SP100: variants seen among roughly 807,000 people sequenced by gnomAD.
The protein encoded by SP100 is SP100 nuclear body protein.
Under a neutral mutation model 130.0 loss-of-function variants are expected in SP100, and 84 were observed. The ratio of observed to expected loss-of-function variants is 0.65; its 90% CI spans 0.54 to 0.77. SP100 has a LOEUF of 0.77. SP100 is among the 30% of genes least tolerant of loss of function. The probability of loss-of-function intolerance (pLI) is 0.00; values close to 1 mark genes in which losing one functional copy is unlikely to be tolerated. For missense variants in SP100, 978 were observed against 1,052.2 expected, an observed-to-expected ratio of 0.93 and a Z score of 0.97; for synonymous variants, 331 against 351.7, an observed-to-expected ratio of 0.94 and a Z score of 0.66.
rs187527800 is a variant in SP100, at chr2:230,459,340, T to C, written c.821-1922T>C. Among the ~76,000 whole-genome samples, 46 of 152,246 alleles carry C rather than the reference T, an allele frequency of 3.0e-4. 2 individuals are homozygous for C. The East Asian group carries it at 8.9e-3, about 29-fold the overall frequency. ...TAGAAAGGAGGCACAGGGTGTCCTA[T>C]TACTATGGAGAAAGATCAGCTGCCC... is the stretch of plus-strand genomic sequence containing the variant. On this transcript the variant is annotated intron_variant, in intron 8 of 28. Transcript: ENST00000340126.
chr2:230,455,927 C>T (rs1302844894), intron 8 of SP100, among the ~76,000 whole-genome samples: 1 of 152,268 alleles, frequency 6.6e-6, no homozygotes, highest in Admixed American at 6.5e-5. Flanking sequence ...TGTTTGATGT[C>T]AGAGTTTACA....
intron 2 of SP100, among the ~76,000 whole-genome samples, chr2:230,428,142 A>T (rs1351764679): frequency 1.3e-5 from 2 of 152,140 alleles, no homozygotes; most frequent in Non-Finnish European, 2.9e-5. Flanking sequence ...GAGACAGGAG[A>T]ATCACTTAAA....
intron 25 of SP100, among the ~76,000 whole-genome samples, chr2:230,539,961 C>CT (rs1221129835): frequency 1.3e-5 from 2 of 152,150 alleles, no homozygotes; most frequent in Non-Finnish European, 2.9e-5. Context: ...AGAGGATGAT[C>CT]TCTACCGGGA....
At chr2:230,503,363 A>G (rs2067143476) in intron 20 of SP100, among the ~76,000 whole-genome samples, 2 of 152,188 alleles carry the variant, frequency 1.3e-5, no homozygotes, top group African/African-American at 4.8e-5. Context: ...ATTGATTAAT[A>G]CGTAATAGAT....
At chr2:230,534,146 G>A (rs1388812295) in intron 24 of SP100, among the ~76,000 whole-genome samples, 4 of 152,192 alleles carry the variant, frequency 2.6e-5, no homozygotes, top group South Asian at 2.1e-4. Flanking sequence ...GGTGGCTCAC[G>A]CCTGTAATCC....
intron 18 of SP100, among the ~76,000 whole-genome samples, chr2:230,496,081 A>G (rs908893294): frequency 6.6e-6 from 1 of 152,060 alleles, no homozygotes; most frequent in Non-Finnish European, 1.5e-5. Context: ...GTTATATTCC[A>G]GTTTGTACTT....
chr2:230,442,593 A>G (rs1186146798), intron 2 of SP100, among the ~76,000 whole-genome samples: 2 of 151,898 alleles, frequency 1.3e-5, no homozygotes, highest in African/African-American at 4.8e-5. Flanking sequence ...ATTGTTTTTC[A>G]TTTCTCTGTG....
intron 2 of SP100, among the ~76,000 whole-genome samples, chr2:230,420,710 G>A (rs969522468): frequency 3.3e-5 from 5 of 151,274 alleles, no homozygotes; most frequent in Admixed American, 6.6e-5. Context: ...TTATTAATTC[G>A]GTTATTAATT....
chr2:230,469,043 C>A lies in SP100; in HGVS notation c.1292C>A (p.Ala431Asp). The change falls in exon 14 of 29, where the codon GCT (alanine) becomes GAT (aspartate). Residue 431 changes from alanine to aspartate, a missense_variant and splice_region_variant. Physicochemically the swap from Ala to Asp is moderately radical, Grantham distance 126. Transcript: ENST00000340126. ...GALRSKHGEK[A>D]PMTSRSTSTW... ...GATTTGGTTTTCCTTTACTTTCTAG[C>A]TCCTATGACTTCTAGAAGTACATCT... is the stretch of plus-strand genomic sequence containing the variant. 1.3e-6 allele frequency: 2 copies of A among 1,581,568 alleles called. No individual in the cohort carries two copies. Among genetic ancestry groups the A allele is most frequent in the Non-Finnish European group, 1.7e-6 (2 of 1,155,662 alleles).
intron 1 of SP100, chr2:230,416,686 T>C: frequency 5.1e-6 from 5 of 980,572 alleles, no homozygotes; most frequent in African/African-American, 1.7e-5. Flanking sequence ...CCTTCAAATA[T>C]GTCATGTCAA....
chr2:230,468,304 A>G (rs1165666176), intron 13 of SP100, among the ~76,000 whole-genome samples: 1 of 152,202 alleles, frequency 6.6e-6, no homozygotes, highest in Non-Finnish European at 1.5e-5. Flanking sequence ...TAGAAAGACA[A>G]TGTGGTTTAT....
chr2:230,545,181 C>T lies in SP100; in HGVS notation c.*2235C>T, dbSNP rs1344432192. 6.6e-6 allele frequency among the ~76,000 whole-genome samples: 1 copy of T among 152,198 alleles called. No homozygotes were observed. The highest frequency in any genetic ancestry group is 2.4e-5 in the African/African-American group (1 of 41,452). On this transcript the variant is annotated 3_prime_UTR_variant, in exon 29 of 29. Transcript: ENST00000340126. The stretch of plus-strand genomic sequence containing the variant: ...ACAATAGCAAAGATACAGAATCAAC[C>T]TAAGTGCCCATCAGTAACAGATTGG...
chr2:230,468,407 C>T lies in SP100; in HGVS notation c.1292-636C>T, dbSNP rs183235275. Among the ~76,000 whole-genome samples the T allele has an allele frequency of 1.1e-3, 161 of 152,284 alleles. 1 individual carries two copies. The highest frequency in any genetic ancestry group is 3.6e-3 in the African/African-American group (148 of 41,550). ...TTATACAGCAAATTATATAAATATT[C>T]ACACCAAATATGATAAGATTTTACA... On this transcript the variant is annotated intron_variant, in intron 13 of 28. Transcript: ENST00000340126.
intron 2 of SP100, among the ~76,000 whole-genome samples, chr2:230,431,018 C>T (rs948379352): frequency 3.9e-5 from 6 of 152,226 alleles, no homozygotes; most frequent in African/African-American, 1.4e-4. Context: ...GTGGGCTGGG[C>T]TGCTGGCTAG....
chr2:230,461,331 A>G lies in SP100; in HGVS notation c.890A>G (p.Lys297Arg). The G allele has an allele frequency of 1.2e-6, 2 of 1,614,184 alleles. No individual in the cohort carries two copies. Among genetic ancestry groups the G allele is most frequent in the South Asian group, 2.2e-5 (2 of 91,090 alleles). ...NSCSVRLVDIKKEKPFSNSKV... is the reference protein window; with the variant it reads ...NSCSVRLVDIRKEKPFSNSKV... Reference sequence around the variant, plus strand: ...TGTTCTGTGCGACTGGTGGATATAAAAAAGGAAAAGCCATTTTCTAATTCA... The same window carrying G: ...TGTTCTGTGCGACTGGTGGATATAAGAAAGGAAAAGCCATTTTCTAATTCA... Residue 297 changes from lysine (K) to arginine (R), a missense_variant, in exon 9 of 29, where the codon AAA becomes AGA. Lys to Arg is a conservative substitution (Grantham distance 26). Coordinates refer to ENST00000340126, the MANE Select transcript of SP100 (RefSeq NM_001080391.2).
intron 17 of SP100, among the ~76,000 whole-genome samples, chr2:230,485,008 C>T (rs1248029356): frequency 6.6e-6 from 1 of 152,154 alleles, no homozygotes; most frequent in African/African-American, 2.4e-5. Flanking sequence ...TAGGTCACTA[C>T]AGCCTTGAAC....
At chr2:230,519,702 G>C (rs569883052) in intron 24 of SP100, among the ~76,000 whole-genome samples, 8 of 152,124 alleles carry the variant, frequency 5.3e-5, no homozygotes, top group Admixed American at 1.3e-4. Flanking sequence ...TTCAATGAAG[G>C]CCATTTTTTT....
At position 230,545,541 on chromosome 2, in the gene SP100, C is replaced by G. The variant is rs1429877192; in HGVS notation, c.*2595C>G. Among the ~76,000 whole-genome samples the G allele has an allele frequency of 6.6e-6, 1 of 151,558 alleles. No individual in the cohort carries two copies. Among genetic ancestry groups the G allele is most frequent in the Non-Finnish European group, 1.5e-5 (1 of 67,944 alleles). On this transcript the variant is annotated 3_prime_UTR_variant, in exon 29 of 29. Coordinates refer to ENST00000340126, the MANE Select transcript of SP100 (RefSeq NM_001080391.2). ...CTATATAACAAACCTTCACATATACCCCTGAACCTAAAAGTTTTTTTAATT... is the reference window on the plus strand; with the variant it reads ...CTATATAACAAACCTTCACATATACGCCTGAACCTAAAAGTTTTTTTAATT...
chr2:230,499,955 C>T (rs1378092947), intron 19 of SP100, among the ~76,000 whole-genome samples: 1 of 152,108 alleles, frequency 6.6e-6, no homozygotes, highest in Non-Finnish European at 1.5e-5. Context: ...CAGAACCAGG[C>T]TCCCAATCCC....
Sources: allele counts gnomAD v4.1 joint callset (sites outside exome capture counted in the v4.1 genomes callset), GRCh38; gene constraint gnomAD v4.1.1; transcripts MANE v1.5; gene names NCBI Gene and HGNC (gene_info 2026-07-23, HGNC 2026-07-21).